The following WDFY4 variants were observed in gnomAD, a reference collection of about 807,000 sequenced individuals.
The protein encoded by WDFY4 is WD repeat- and FYVE domain-containing protein 4.
A neutral mutation model predicts 351.9 loss-of-function variants in WDFY4; 169 were observed. That is an observed-to-expected ratio of 0.48 (90% CI 0.42 to 0.55). The LOEUF (loss-of-function observed/expected upper bound fraction) is 0.55. Ranked by LOEUF, WDFY4 falls within the 20% of genes least tolerant of loss-of-function variation. WDFY4 has a pLI of 0.00. For missense variants in WDFY4, 3,803 were observed against 3,935.6 expected (o/e 0.97, Z 0.90); for synonymous variants, 1,622 against 1,574.6 (o/e 1.03, Z -0.71).
At chr10:48,963,449 C>T (rs1841948498) in intron 53 of WDFY4, among the ~76,000 whole-genome samples, 1 of 152,238 alleles carries the variant, frequency 6.6e-6, no homozygotes, top group Non-Finnish European at 1.5e-5. Flanking sequence ...CCTCCTGACA[C>T]TCTCTGGTCA....
chr10:48,844,590 C>T (rs2133137756), intron 39 of WDFY4, among the ~76,000 whole-genome samples: 1 of 152,012 alleles, frequency 6.6e-6, no homozygotes, highest in East Asian at 1.9e-4. Context: ...AAAACTCCTT[C>T]TCGAACAAAA....
At chr10:48,874,306 A>G (rs1220723696) in intron 41 of WDFY4, among the ~76,000 whole-genome samples, 2 of 152,234 alleles carry the variant, frequency 1.3e-5, no homozygotes, top group Non-Finnish European at 2.9e-5. Flanking sequence ...TTTAAAAGAA[A>G]AGAAGCCAGT....
At chr10:48,794,782 G>C (rs996873355) in intron 23 of WDFY4, among the ~76,000 whole-genome samples, 1 of 152,148 alleles carries the variant, frequency 6.6e-6, no homozygotes, top group Non-Finnish European at 1.5e-5. Flanking sequence ...AAGGATGGAG[G>C]CGTCCTCTTT....
Position 48,726,119 on chromosome 10 carries a change from C to T in WDFY4, c.781+49C>T, listed in dbSNP as rs144788625. 54 of 1,510,856 alleles carry T rather than the reference C, an allele frequency of 3.6e-5. 2 individuals carry two copies. The African/African-American group carries it at 6.6e-4, about 19-fold the overall frequency. The allele number at this position is 1,510,856 out of a possible 1,614,324, so 93.6% of individuals were successfully genotyped here. ...GGGCTGTGGGCCATGCAAGGGCTTCCCTTGAACTCAGAGCAAAGGCTGAGG... is the reference window on the plus strand; with the variant it reads ...GGGCTGTGGGCCATGCAAGGGCTTCTCTTGAACTCAGAGCAAAGGCTGAGG... On this transcript the variant is annotated intron_variant, in intron 6 of 61. Transcript: ENST00000325239.
At chr10:48,790,103 T>G in intron 22 of WDFY4, 118 bp downstream of exon 22, 1 of 983,260 alleles carries the variant, frequency 1.0e-6, no homozygotes, top group South Asian at 1.4e-5. Context: ...GGAACCAGGG[T>G]CGGGAGGACC....
intron 39 of WDFY4, among the ~76,000 whole-genome samples, chr10:48,844,126 G>T (rs1215945636): frequency 2.0e-5 from 3 of 152,218 alleles, no homozygotes; most frequent in African/African-American, 7.2e-5. Flanking sequence ...TCTATTATGA[G>T]AAACCATTTT....
At chr10:48,775,016 A>G (rs575356616) in intron 14 of WDFY4, among the ~76,000 whole-genome samples, 146 of 152,046 alleles carry the variant, frequency 9.6e-4, no homozygotes, top group African/African-American at 3.3e-3. Context: ...GGAGGGGCTG[A>G]CTGTGTCCTG....
chr10:48,876,409 T>A (rs1206047539), intron 42 of WDFY4, among the ~76,000 whole-genome samples: 1 of 152,218 alleles, frequency 6.6e-6, no homozygotes. Flanking sequence ...GTAATTAGCC[T>A]GTTTCAGCTT....
intron 51 of WDFY4, among the ~76,000 whole-genome samples, chr10:48,953,333 T>TCTCTCTCTCTCTCA (rs771339557): frequency 1.2e-4 from 15 of 128,232 alleles, no homozygotes; most frequent in African/African-American, 4.4e-4. Context: ...TCTCTCTCTC[T>TCTCTCTCTCTCTCA]CACACACACA....
intron 47 of WDFY4, among the ~76,000 whole-genome samples, chr10:48,917,056 T>A (rs1838615588): frequency 1.3e-5 from 2 of 152,176 alleles, no homozygotes; most frequent in African/African-American, 4.8e-5. Flanking sequence ...CAATTGCCTA[T>A]AGTGTTTAGT....
rs954840963 is a variant in WDFY4 at position 48,822,621 on chromosome 10, G to T, written c.5982+84G>T. 7 of 1,358,002 alleles carry T rather than the reference G, an allele frequency of 5.2e-6. No individual in the cohort carries two copies. The African/African-American group carries it at 1.0e-4, about 20-fold the overall frequency. 84.1% of individuals were successfully genotyped at this position (1,358,002 alleles called of 1,614,324 possible). ...TTGTCCAGTTGGTTCCACTGGATCT[G>T]CCCTCCCTCCCTGGAGTAGAATCTG... On this transcript the variant is annotated intron_variant, in intron 35 of 61. Transcript: ENST00000325239.
At chr10:48,796,228 G>A in intron 23 of WDFY4, 70 bp from the exon 24 acceptor site, 1 of 1,494,460 alleles carries the variant, frequency 6.7e-7, no homozygotes, top group Non-Finnish European at 9.0e-7. Flanking sequence ...ACTGGACTGG[G>A]ACAAGTGGGT....
chr10:48,812,161 C>CCTTT (rs1040753769), intron 30 of WDFY4, among the ~76,000 whole-genome samples: 1 of 151,014 alleles, frequency 6.6e-6, no homozygotes, highest in African/African-American at 2.5e-5. Flanking sequence ...CCATAGTTAT[C>CCTTT]CTTTCTTTCT....
chr10:48,810,840 C>T (rs768893000), intron 29 of WDFY4, 105 bp downstream of exon 29: 144 of 1,210,216 alleles, frequency 1.2e-4, no homozygotes, highest in Admixed American at 2.7e-4. Flanking sequence ...CAGCTCTGTG[C>T]AGCAGGATCA....
intron 23 of WDFY4, among the ~76,000 whole-genome samples, chr10:48,791,421 T>A (rs1194449530): frequency 1.3e-5 from 2 of 152,246 alleles, no homozygotes; most frequent in African/African-American, 2.4e-5. Context: ...GAGTGCTAAG[T>A]AAATGTTAGT....
rs902726526 is a variant in WDFY4 at position 48,832,717 on chromosome 10, C to T, written c.6663+8C>T. 1 of 1,519,296 alleles carries T rather than the reference C, an allele frequency of 6.6e-7. No individual in the cohort carries two copies. The highest frequency in any genetic ancestry group is 1.4e-5 in the African/African-American group (1 of 71,946). 94.1% of individuals were successfully genotyped at this position (1,519,296 alleles called of 1,614,324 possible). A position where few individuals can be genotyped will look rare whatever the true frequency, so the allele number is the denominator to read the frequency against. On this transcript the variant is annotated splice_region_variant and intron_variant, in intron 39 of 61. Transcript: ENST00000325239. ...CCTGAGTGCAAGACAGAGGTGAGCC[C>T]AGACCCCTTTTCCTCAGAAAAGTAT...
intron 1 of WDFY4, among the ~76,000 whole-genome samples, chr10:48,690,659 A>G (rs1465637063): frequency 6.6e-6 from 1 of 152,084 alleles, no homozygotes; most frequent in Non-Finnish European, 1.5e-5. Context: ...CTCAGCAGAG[A>G]GGAGGCCCTG....
chr10:48,838,872 T>A (rs1253340467), intron 39 of WDFY4, among the ~76,000 whole-genome samples: 1 of 152,244 alleles, frequency 6.6e-6, no homozygotes, highest in African/African-American at 2.4e-5. Context: ...TAGCCATCAT[T>A]GCGGGAGTGA....
chr10:48,735,669 T>TA (rs1323014984), intron 10 of WDFY4, among the ~76,000 whole-genome samples: 2 of 152,158 alleles, frequency 1.3e-5, no homozygotes, highest in African/African-American at 4.8e-5. Flanking sequence ...AGCAGTTTTT[T>TA]AAAAAAATCA....
Sources: gnomAD v4.1 joint callset for allele counts (sites outside exome capture counted in the v4.1 genomes callset) on GRCh38, gnomAD v4.1.1 for gene constraint, MANE v1.5 for transcripts, NCBI Gene and HGNC (gene_info 2026-07-23, HGNC 2026-07-21) for gene names.